CASK: variants seen among roughly 807,000 people sequenced by gnomAD.
CASK encodes peripheral plasma membrane protein CASK.
In CASK, 4 loss-of-function variants were observed where a neutral mutation model predicts 82.9. The ratio of observed to expected loss-of-function variants is 0.05; its 90% confidence interval spans 0.02 to 0.11. The LOEUF is 0.11. CASK is among the 10% of genes least tolerant of loss of function. The pLI, the probability that CASK is intolerant of heterozygous loss-of-function variation, is 1.00. For synonymous variants in CASK, 259 were observed against 253.5 expected, an observed-to-expected ratio of 1.02 and a Z score of -0.20; for missense variants, 358 against 720.9, an observed-to-expected ratio of 0.50 and a Z score of 5.76.
intron 12 of CASK, among the ~76,000 whole-genome samples, chrX:41,606,742 G>A (rs778469446): frequency 1.5e-3 from 159 of 108,312 alleles, no homozygotes; most frequent in Non-Finnish European, 2.6e-3. Flanking sequence ...GCCCAGGTTG[G>A]AGTGCAGTAG....
chrX:41,654,163 C>A (rs1037291888), intron 8 of CASK, among the ~76,000 whole-genome samples: 4 of 111,632 alleles, frequency 3.6e-5, no homozygotes, highest in African/African-American at 9.8e-5. Context: ...TGTATGGGCA[C>A]CAATGAAAAC....
In CASK at chrX:41,831,107, G is replaced by A. The variant is rs768812867; in HGVS notation, c.172+22008C>T. ...TATTGTGCCAGGCATGGTTCTAGGT[G>A]GTCAGAGTAAAGCTGTGAAAAAACA... On this transcript the variant is annotated intron_variant, in intron 2 of 26. Coordinates refer to ENST00000378163, the MANE Select transcript of CASK (RefSeq NM_001367721.1). 5.5e-5 allele frequency among the ~76,000 whole-genome samples: 6 copies of A among 110,064 alleles called. No homozygotes were observed. In the East Asian group the frequency reaches 1.4e-3, roughly 26 times the overall value.
At chrX:41,798,680 T>C (rs1320658908) in intron 2 of CASK, among the ~76,000 whole-genome samples, 4 of 111,827 alleles carry the variant, frequency 3.6e-5, no homozygotes. Flanking sequence ...ACTAATAATA[T>C]AAAAATCAGC....
chrX:41,555,703 T>G (rs1450563355), intron 19 of CASK, 68 bp from the exon 20 acceptor site: 1 of 807,138 alleles, frequency 1.2e-6, no homozygotes, highest in Non-Finnish European at 1.9e-6. Context: ...GTAATTTGTG[T>G]GTTCTGTTAC....
intron 2 of CASK, among the ~76,000 whole-genome samples, chrX:41,805,938 A>G (rs933764512): frequency 4.5e-5 from 5 of 111,810 alleles, no homozygotes; most frequent in Non-Finnish European, 9.4e-5. Context: ...CCCGTGACAA[A>G]GTACCATAGG....
intron 2 of CASK, among the ~76,000 whole-genome samples, chrX:41,800,519 T>C (rs1016172458): frequency 1.1e-4 from 12 of 110,975 alleles, no homozygotes; most frequent in African/African-American, 2.3e-4. Context: ...ATTATTATTA[T>C]ACTTTAAGTT....
intron 2 of CASK, among the ~76,000 whole-genome samples, chrX:41,826,451 GC>G (rs2070667843): frequency 9.0e-6 from 1 of 111,657 alleles, no homozygotes; most frequent in South Asian, 3.8e-4. Context: ...TACTGCTTTG[GC>G]CCTTGGTTTA....
intron 5 of CASK, among the ~76,000 whole-genome samples, chrX:41,706,294 A>G (rs773971330): frequency 3.6e-5 from 4 of 111,189 alleles, no homozygotes; most frequent in Non-Finnish European, 3.8e-5. Flanking sequence ...GGATGCAGCT[A>G]AGTAAGTGAA....
rs757353818 is a variant in CASK at position 41,792,289 on chromosome X, A to ATT, written c.173-5008_173-5007dup. ...GTTTGCTCGAGAGCATTCAATAAGG[A>ATT]TTTTTTTTTTTTTTTTTTTGAGCTA... On this transcript the variant is annotated intron_variant, in intron 2 of 26. Coordinates refer to ENST00000378163, the MANE Select transcript of CASK (RefSeq NM_001367721.1). Among the ~76,000 whole-genome samples the ATT allele has an allele frequency of 2.6e-3, 235 of 91,386 alleles. 1 individual carries two copies. Among genetic ancestry groups the ATT allele is most frequent in the African/African-American group, 8.8e-3 (221 of 25,253 alleles). The allele number at this position is 91,386 out of a possible 115,157, so 79.4% of individuals were successfully genotyped here.
intron 2 of CASK, among the ~76,000 whole-genome samples, chrX:41,823,977 C>A (rs1190818830): frequency 3.6e-5 from 4 of 111,880 alleles, no homozygotes; most frequent in Non-Finnish European, 7.5e-5. Context: ...AAATTTTAGA[C>A]TAAAATATTT....
chrX:41,819,818 A>C (rs2070493784), intron 2 of CASK, among the ~76,000 whole-genome samples: 1 of 112,204 alleles, frequency 8.9e-6, no homozygotes, highest in African/African-American at 3.2e-5. Flanking sequence ...AACAGAATAA[A>C]GGAGAACTAT....
chrX:41,705,257 C>G (rs1160687054), intron 5 of CASK, among the ~76,000 whole-genome samples: 1 of 112,384 alleles, frequency 8.9e-6, no homozygotes, highest in Non-Finnish European at 1.9e-5. Flanking sequence ...TGGCAGGATG[C>G]CATTAGAAGA....
At chrX:41,538,004 C>A (rs767721328) in intron 22 of CASK, among the ~76,000 whole-genome samples, 1 of 109,838 alleles carries the variant, frequency 9.1e-6, no homozygotes, top group Non-Finnish European at 1.9e-5. Context: ...TGCCACCACA[C>A]CCAGCTAATT....
At chrX:41,727,073 T>C (rs1432088639) in intron 5 of CASK, 1 of 1,167,786 alleles carries the variant, frequency 8.6e-7, no homozygotes, top group African/African-American at 1.8e-5. Flanking sequence ...ATCTCTTCCA[T>C]GGCTTTACCA....
At chrX:41,867,267 T>A (rs2071608529) in intron 1 of CASK, among the ~76,000 whole-genome samples, 1 of 112,093 alleles carries the variant, frequency 8.9e-6, no homozygotes, top group Non-Finnish European at 1.9e-5. Context: ...CATATAGAAC[T>A]GTGCCTGACA....
intron 1 of CASK, among the ~76,000 whole-genome samples, chrX:41,869,359 T>C (rs1277324362): frequency 8.9e-6 from 1 of 111,931 alleles, no homozygotes; most frequent in Non-Finnish European, 1.9e-5. Context: ...CTCTTTTATC[T>C]GGTGGTCCAT....
intron 21 of CASK, among the ~76,000 whole-genome samples, chrX:41,548,581 T>C (rs2065053983): frequency 8.9e-6 from 1 of 111,944 alleles, no homozygotes; most frequent in South Asian, 3.7e-4. Context: ...CTCTCAGTAA[T>C]AGTATCAAAG....
chrX:41,524,325 A>G, intron 25 of CASK: 2 of 279,739 alleles, frequency 7.1e-6, no homozygotes, highest in Non-Finnish European at 1.3e-5. Flanking sequence ...TATGTTGGTT[A>G]ATGTTCATTT....
At chrX:41,613,399 A>G (rs1464793155) in intron 11 of CASK, among the ~76,000 whole-genome samples, 1 of 98,174 alleles carries the variant, frequency 1.0e-5, no homozygotes, top group African/African-American at 3.8e-5. Flanking sequence ...AGGGCGGTGC[A>G]AGATGTGCTT....
Sources: gnomAD v4.1 joint callset for allele counts (sites outside exome capture counted in the v4.1 genomes callset) on GRCh38, gnomAD v4.1.1 for gene constraint, MANE v1.5 for transcripts, NCBI Gene and HGNC (gene_info 2026-07-23, HGNC 2026-07-21) for gene names.